The following MTHFD1L variants were observed in gnomAD, a reference collection of about 807,000 sequenced individuals.
MTHFD1L encodes monofunctional C1-tetrahydrofolate synthase, mitochondrial.
Under a neutral mutation model 119.5 loss-of-function variants are expected in MTHFD1L, and 81 were observed. The observed-to-expected ratio is 0.68, with a 90% CI of 0.57 to 0.82. The LOEUF is 0.82. Among genes scored for constraint, MTHFD1L ranks in the 40% least tolerant of loss-of-function variants. The pLI is 0.00. For synonymous variants in MTHFD1L, 430 were observed against 475.2 expected (o/e 0.90, Z 1.24); for missense variants, 1,125 against 1,253.4 (o/e 0.90, Z 1.55).
At chr6:150,940,654 C>T (rs140877992) in intron 13 of MTHFD1L, among the ~76,000 whole-genome samples, 3 of 152,088 alleles carry the variant, frequency 2.0e-5, no homozygotes, top group Non-Finnish European at 2.9e-5. Flanking sequence ...AATCTCGGCT[C>T]GCTGCAACCT....
intron 19 of MTHFD1L, 115 bp from the exon 20 acceptor site, chr6:150,971,832 C>A (rs1490323026): frequency 2.6e-6 from 2 of 765,440 alleles, no homozygotes; most frequent in Non-Finnish European, 4.4e-6. Context: ...ATATTTTATG[C>A]ATTAAATATG....
chr6:150,950,057 T>G (rs1188850027), intron 16 of MTHFD1L, among the ~76,000 whole-genome samples: 4 of 135,604 alleles, frequency 2.9e-5, no homozygotes, highest in African/African-American at 1.0e-4. Flanking sequence ...ATGCGCATTT[T>G]ATAGCAGTTC....
chr6:151,043,237 T>A (rs1490364059), intron 26 of MTHFD1L, among the ~76,000 whole-genome samples: 1 of 151,552 alleles, frequency 6.6e-6, no homozygotes, highest in Non-Finnish European at 1.5e-5. Flanking sequence ...AATTGACTTC[T>A]TTCTTCTCAC....
intron 13 of MTHFD1L, among the ~76,000 whole-genome samples, chr6:150,940,910 C>T (rs1335052969): frequency 6.6e-6 from 1 of 152,056 alleles, no homozygotes; most frequent in African/African-American, 2.4e-5. Context: ...GTAGAGTGGG[C>T]CAGACACACT....
chr6:150,900,399 T>G (rs1419705403), intron 7 of MTHFD1L, among the ~76,000 whole-genome samples: 1 of 152,130 alleles, frequency 6.6e-6, no homozygotes, highest in Non-Finnish European at 1.5e-5. Context: ...CATTTAAGAT[T>G]AGTGCTCCCC....
chr6:150,926,424 C>T lies in MTHFD1L; in HGVS notation c.1256+129C>T. The T allele has an allele frequency of 1.1e-6, 1 of 904,518 alleles. No individual in the cohort carries two copies. The highest frequency in any genetic ancestry group is 2.7e-5 in the East Asian group (1 of 37,676). The allele number at this position is 904,518 out of a possible 1,614,324, so 56.0% of individuals were successfully genotyped here. ...TTGACATTTCGTCCATTTCATTTGG[C>T]ATTTCTTTATTTGGTGTGAGATAAG... On this transcript the variant is annotated intron_variant, in intron 11 of 27. Transcript: ENST00000367321. This position sits in a 1 kb window ranked among gnomAD's most constrained non-coding sequence, Gnocchi z 4.3.
At chr6:150,945,954 C>T (rs991248211) in intron 15 of MTHFD1L, among the ~76,000 whole-genome samples, 3 of 151,948 alleles carry the variant, frequency 2.0e-5, no homozygotes, top group Admixed American at 6.6e-5. Flanking sequence ...CCATGATGGC[C>T]CCTGTGAATA....
At chr6:150,870,842 TGGAGGTTGTGGGGAGGC>T (rs1232938383) in intron 1 of MTHFD1L, among the ~76,000 whole-genome samples, 1 of 150,110 alleles carries the variant, frequency 6.7e-6, no homozygotes, top group Non-Finnish European at 1.5e-5. Flanking sequence ...ACCCGGGAGG[TGGAGGTTGTGGGGAGGC>T]GGAGGTTGTG....
chr6:150,935,437 C>A, intron 11 of MTHFD1L: 1 of 1,613,406 alleles, frequency 6.2e-7, no homozygotes. Context: ...GTGAACTGAG[C>A]TCATCAGCTC....
chr6:151,044,928 T>G (rs1394393704), intron 26 of MTHFD1L, among the ~76,000 whole-genome samples: 1 of 152,200 alleles, frequency 6.6e-6, no homozygotes, highest in Non-Finnish European at 1.5e-5. Flanking sequence ...CTCACTGCCA[T>G]TCTGCTCTTT....
At chr6:151,022,673 G>T (rs181526156) in intron 24 of MTHFD1L, among the ~76,000 whole-genome samples, 1 of 152,070 alleles carries the variant, frequency 6.6e-6, no homozygotes, top group Admixed American at 6.5e-5. Flanking sequence ...GACCTCCCCC[G>T]GCTCTCCCTC....
chr6:150,921,212 C>T (rs534489201), intron 9 of MTHFD1L, among the ~76,000 whole-genome samples: 3 of 152,062 alleles, frequency 2.0e-5, no homozygotes, highest in Admixed American at 1.3e-4. Flanking sequence ...CTCCACCTCC[C>T]GGGTTCAAGT....
chr6:150,894,676 G>C (rs1197720235), intron 7 of MTHFD1L, among the ~76,000 whole-genome samples: 1 of 152,172 alleles, frequency 6.6e-6, no homozygotes. Context: ...TTCAGGCTCT[G>C]TAGGTTTAAA....
At chr6:150,866,702 T>G (rs112598156) in intron 1 of MTHFD1L, 1 of 1,131,376 alleles carries the variant, frequency 8.8e-7, no homozygotes, top group Non-Finnish European at 1.1e-6. Flanking sequence ...GTTTCCAGCT[T>G]CGCCGCGCAG....
Position 151,034,578 on chromosome 6 carries a change from A to G in MTHFD1L, c.2672A>G (p.Lys891Arg), listed in dbSNP as rs1785854352. The G allele has an allele frequency of 1.2e-6, 2 of 1,610,748 alleles. No individual in the cohort carries two copies. Among genetic ancestry groups the G allele is most frequent in the East Asian group, 2.2e-5 (1 of 44,872 alleles). ...GAACTCTCTCCTGAGGCACAAGCCAAAATAGATCGTTACACTCAACAGGTA... is the reference window on the plus strand; with the variant it reads ...GAACTCTCTCCTGAGGCACAAGCCAGAATAGATCGTTACACTCAACAGGTA... ...DIELSPEAQAKIDRYTQQGFG... is the reference protein window; with the variant it reads ...DIELSPEAQARIDRYTQQGFG... The change falls in exon 25 of 28, where the codon AAA becomes AGA. Residue 891 changes from lysine (K) to arginine (R), a missense_variant. Lys to Arg is a conservative substitution (Grantham distance 26). Transcript: ENST00000367321.
intron 4 of MTHFD1L, 117 bp from the exon 5 acceptor site, chr6:150,882,645 C>A: frequency 1.3e-6 from 1 of 752,872 alleles, no homozygotes; most frequent in Non-Finnish European, 1.9e-6. Context: ...AGGAGCAAAA[C>A]AACAACAAAC....
Position 151,079,901 on chromosome 6 carries a change from G to A in MTHFD1L, c.2848-12566G>A, listed in dbSNP as rs189019255. On this transcript the variant is annotated intron_variant, in intron 26 of 27. Coordinates refer to ENST00000367321, the MANE Select transcript of MTHFD1L (RefSeq NM_015440.5). The stretch of plus-strand genomic sequence containing the variant: ...TAAAAAAAAAGAAATTAGGCCAGGC[G>A]TGGTGGCTCACACCTGTAATCCCAG... Among the ~76,000 whole-genome samples, 803 of 151,830 alleles carry A rather than the reference G, an allele frequency of 5.3e-3. 9 individuals carry two copies. Among genetic ancestry groups the A allele is most frequent in the African/African-American group, 0.017 (692 of 41,402 alleles).
intron 20 of MTHFD1L, among the ~76,000 whole-genome samples, chr6:150,983,618 G>A (rs1777850518): frequency 1.3e-5 from 2 of 152,116 alleles, no homozygotes. Context: ...AGCTTCACCT[G>A]ACATGGCTGT....
chr6:150,921,644 C>A (rs1788959972), intron 9 of MTHFD1L, among the ~76,000 whole-genome samples: 1 of 149,718 alleles, frequency 6.7e-6, no homozygotes, highest in Non-Finnish European at 1.5e-5. Flanking sequence ...AACTTCTGGG[C>A]TCAAACAATC....
Sources: allele counts gnomAD v4.1 joint callset (sites outside exome capture counted in the v4.1 genomes callset), GRCh38; gene constraint gnomAD v4.1.1; non-coding constraint Gnocchi (gnomAD v3.1); transcripts MANE v1.5; gene names NCBI Gene and HGNC (gene_info 2026-07-23, HGNC 2026-07-21).